Variants in DLGAP2 observed in about 807,000 individuals in gnomAD.
The protein encoded by DLGAP2 is DLG associated protein 2.
In DLGAP2, 26 loss-of-function variants were observed where a neutral mutation model predicts 100.3. The observed-to-expected ratio is 0.26, with a 90% CI of 0.19 to 0.36. The LOEUF (loss-of-function observed/expected upper bound fraction) is 0.36, where lower values mean the gene tolerates loss of function less well. DLGAP2 is among the 10% of genes least tolerant of loss of function. The pLI is 1.00. For synonymous variants in DLGAP2, 886 were observed against 630.1 expected, an observed-to-expected ratio of 1.41 and a Z score of -6.08; for missense variants, 1,858 against 1,453.2, an observed-to-expected ratio of 1.28 and a Z score of -4.53.
intron 1 of DLGAP2, among the ~76,000 whole-genome samples, chr8:895,732 C>T (rs983350394): frequency 1.4e-4 from 22 of 152,036 alleles, no homozygotes; most frequent in Admixed American, 6.6e-4. Flanking sequence ...AGTCAGGCTG[C>T]GGGAGGATGG....
chr8:1,477,691 C>T (rs965068619), intron 3 of DLGAP2, among the ~76,000 whole-genome samples: 1 of 152,098 alleles, frequency 6.6e-6, no homozygotes, highest in Admixed American at 6.5e-5. Flanking sequence ...ATTTACTTCC[C>T]TGACATTTAT....
chr8:1,253,779 C>T (rs999240641), intron 2 of DLGAP2, among the ~76,000 whole-genome samples: 27 of 152,304 alleles, frequency 1.8e-4, no homozygotes, highest in Middle Eastern at 3.4e-3. Flanking sequence ...ATGATGAATC[C>T]ACAGTGTATC....
chr8:1,292,665 C>T (rs530288074), intron 3 of DLGAP2, among the ~76,000 whole-genome samples: 6 of 152,198 alleles, frequency 3.9e-5, no homozygotes, highest in Admixed American at 1.3e-4. Context: ...CTCCGTCGCT[C>T]GGACGCTTTG....
At chr8:1,633,150 C>A in intron 8 of DLGAP2, 104 bp downstream of exon 8, 2 of 1,072,656 alleles carry the variant, frequency 1.9e-6, no homozygotes, top group East Asian at 2.5e-5. Context: ...ACAATGTACT[C>A]TCCTGACATC....
intron 2 of DLGAP2, among the ~76,000 whole-genome samples, chr8:1,039,657 T>TTTCC (rs1802254038): frequency 1.4e-4 from 7 of 50,864 alleles, no homozygotes; most frequent in Admixed American, 5.9e-4. Flanking sequence ...GTCAGCTCGG[T>TTTCC]GTGGGTGGTC....
chr8:1,013,208 A>G (rs1801348416), intron 2 of DLGAP2, among the ~76,000 whole-genome samples: 1 of 152,144 alleles, frequency 6.6e-6, no homozygotes, highest in Non-Finnish European at 1.5e-5. Flanking sequence ...ATGTGTATAG[A>G]CTTTCAGCAT....
chr8:1,134,316 T>C (rs1585092222), intron 2 of DLGAP2, among the ~76,000 whole-genome samples: 1 of 152,242 alleles, frequency 6.6e-6, no homozygotes, highest in Non-Finnish European at 1.5e-5. Context: ...GTCTTAGTGG[T>C]AGAACGATGT....
chr8:1,350,266 G>C (rs1801682547), intron 3 of DLGAP2, among the ~76,000 whole-genome samples: 1 of 106,266 alleles, frequency 9.4e-6, no homozygotes, highest in Non-Finnish European at 2.0e-5. Flanking sequence ...GAGCATGTGT[G>C]GAACGGCCGT....
At chr8:1,181,601 G>T (rs998880791) in intron 2 of DLGAP2, among the ~76,000 whole-genome samples, 5 of 151,956 alleles carry the variant, frequency 3.3e-5, no homozygotes, top group African/African-American at 1.2e-4. Context: ...CTTAATACCT[G>T]GGGGGTGAAA....
chr8:1,247,652 G>C (rs1401205233), intron 2 of DLGAP2, among the ~76,000 whole-genome samples: 1 of 42,386 alleles, frequency 2.4e-5, no homozygotes, highest in Non-Finnish European at 4.1e-5. Flanking sequence ...AGACCTTTGA[G>C]ATCAGTGTGG....
rs13272685 is a variant in DLGAP2 at position 1,392,703 on chromosome 8, A to G, written c.107-108663A>G. Among the ~76,000 whole-genome samples, 529 of 152,128 alleles carry G rather than the reference A, an allele frequency of 3.5e-3. 9 individuals carry two copies. In the East Asian group the frequency reaches 0.048, roughly 14 times the overall value. ...GACTGGGCCAGGCCTGGGTCAGCAC[A>G]TCTGCGTTTCAGTGGAAGTGCCAGA... On this transcript the variant is annotated intron_variant, in intron 3 of 14. Transcript: ENST00000637795.
Position 1,315,304 on chromosome 8 carries a change from G to A in DLGAP2, c.106+56421G>A, listed in dbSNP as rs139575520. The stretch of plus-strand genomic sequence containing the variant: ...AAAATAGAGCCTGTGCGAGTGCAGC[G>A]TCTCTCCAACATTGGTCTACACTCG... On this transcript the variant is annotated intron_variant, in intron 3 of 14. Transcript: ENST00000637795. Among the ~76,000 whole-genome samples the A allele has an allele frequency of 7.2e-3, 1,067 of 148,524 alleles. 20 individuals are homozygous for A. Among genetic ancestry groups the A allele is most frequent in the Non-Finnish European group, 0.01 (698 of 66,486 alleles).
At chr8:975,963 A>C (rs1800152104) in intron 2 of DLGAP2, among the ~76,000 whole-genome samples, 1 of 152,188 alleles carries the variant, frequency 6.6e-6, no homozygotes, top group Non-Finnish European at 1.5e-5. Flanking sequence ...AATCAACAAA[A>C]ATTACCCTGA....
chr8:1,230,541 G>A (rs1365253924), intron 2 of DLGAP2, among the ~76,000 whole-genome samples: 5 of 152,036 alleles, frequency 3.3e-5, no homozygotes, highest in African/African-American at 7.2e-5. Context: ...CAAAAAGCTC[G>A]AATAGCCAAA....
intron 1 of DLGAP2, among the ~76,000 whole-genome samples, chr8:790,225 G>A (rs1821991165): frequency 6.6e-6 from 1 of 152,172 alleles, no homozygotes; most frequent in African/African-American, 2.4e-5. Context: ...GGAGGCTTGA[G>A]GCAGGGGATG....
At chr8:1,334,639 C>T (rs1171014257) in intron 3 of DLGAP2, among the ~76,000 whole-genome samples, 1 of 152,140 alleles carries the variant, frequency 6.6e-6, no homozygotes, top group Non-Finnish European at 1.5e-5. Context: ...TGCATGGACT[C>T]CGGTGGGATG....
chr8:1,565,740 T>C lies in DLGAP2; in HGVS notation c.1288T>C (p.Cys430Arg). The change falls in exon 6 of 15, where the codon TGC (cysteine) becomes CGC (arginine). Residue 430 changes from cysteine to arginine, a missense_variant. Transcript: ENST00000637795. Reference sequence around the variant, plus strand: ...CGGTGGCAAAGATGAGGAGATTCCCTGCAGGAGAATGAGAAGTGGGAGTTA... The same window carrying C: ...CGGTGGCAAAGATGAGGAGATTCCCCGCAGGAGAATGAGAAGTGGGAGTTA... ...PTGGKDEEIP[C>R]RRMRSGSYIK... The C allele has an allele frequency of 6.2e-7, 1 of 1,613,780 alleles. No homozygotes were observed. Among genetic ancestry groups the C allele is most frequent in the Non-Finnish European group, 8.5e-7 (1 of 1,179,832 alleles).
intron 2 of DLGAP2, among the ~76,000 whole-genome samples, chr8:1,039,848 AGCTCGGTGTGCGTGGTCG>A: frequency 7.3e-6 from 1 of 136,498 alleles, no homozygotes; most frequent in African/African-American, 2.8e-5. Context: ...GTGCATGTTC[AGCTCGGTGTGCGTGGTCG>A]GCTCATTGTG....
chr8:738,064 C>A (rs1376837629), intron 1 of DLGAP2: 11 of 263,366 alleles, frequency 4.2e-5, no homozygotes, highest in Non-Finnish European at 6.4e-5. Context: ...TGGCCGCGCT[C>A]GGGGGTGCCG....
Sources: gnomAD v4.1 joint callset for allele counts (sites outside exome capture counted in the v4.1 genomes callset) on GRCh38, gnomAD v4.1.1 for gene constraint, MANE v1.5 for transcripts, NCBI Gene and HGNC (gene_info 2026-07-23, HGNC 2026-07-21) for gene names.